CEP295: variants seen among roughly 807,000 people sequenced by gnomAD.
CEP295 encodes the protein centrosomal protein 295.
In CEP295, 190 loss-of-function variants were observed where a neutral mutation model predicts 291.6. That is an observed-to-expected ratio of 0.65 (90% confidence interval 0.58 to 0.73). The LOEUF (loss-of-function observed/expected upper bound fraction) is 0.73, where lower values mean the gene tolerates loss of function less well. Among genes scored for constraint, CEP295 ranks in the 30% least tolerant of loss-of-function variants. The probability of loss-of-function intolerance (pLI) is 0.00; values close to 1 mark genes in which losing one functional copy is unlikely to be tolerated. For synonymous variants in CEP295, 993 were observed against 1,038.8 expected, an observed-to-expected ratio of 0.96 and a Z score of 0.85; for missense variants, 2,863 against 2,949.4, an observed-to-expected ratio of 0.97 and a Z score of 0.68.
chr11:93,720,245 G>A (rs1016926718), intron 18 of CEP295, among the ~76,000 whole-genome samples: 1 of 151,822 alleles, frequency 6.6e-6, no homozygotes, highest in African/African-American at 2.4e-5. Context: ...GGCCGAGGTG[G>A]GCGGATCACC....
At position 93,725,762 on chromosome 11, in the gene CEP295, A is replaced by G. The variant is rs1425813654; in HGVS notation, c.6430A>G (p.Asn2144Asp). Residue 2144 changes from asparagine (N) to aspartate (D), a missense_variant, in exon 23 of 30, where the codon AAT becomes GAT. By Grantham distance (23) the Asn-to-Asp change is conservative. Coordinates refer to ENST00000325212, the MANE Select transcript of CEP295 (RefSeq NM_033395.2). ...GCATTCTTCTCTTAACACAAGTCCG[A>G]ATCAACAACCTGACACTAACTTGGC... ...SMHSSLNTSPNQQPDTNLAHV... is the reference protein window; with the variant it reads ...SMHSSLNTSPDQQPDTNLAHV... The G allele has an allele frequency of 6.4e-7, 1 of 1,551,762 alleles. No individual in the cohort carries two copies. The highest frequency in any genetic ancestry group is 2.0e-5 in the Admixed American group (1 of 50,988).
Position 93,729,789 on chromosome 11 carries a change from G to C in CEP295, c.7567+8G>C. ...AAGAGAAACCATCTATAAGTATGTT[G>C]AATTTTTAAAATCTTCAACCAACTC... On this transcript the variant is annotated splice_region_variant and intron_variant, in intron 27 of 29. Coordinates refer to ENST00000325212, the MANE Select transcript of CEP295 (RefSeq NM_033395.2). 1 of 1,537,206 alleles carries C rather than the reference G, an allele frequency of 6.5e-7. No homozygotes were observed. Among genetic ancestry groups the C allele is most frequent in the Non-Finnish European group, 8.8e-7 (1 of 1,141,194 alleles).
At chr11:93,728,890 A>G in intron 25 of CEP295, 69 bp downstream of exon 25, 1 of 1,356,556 alleles carries the variant, frequency 7.4e-7, no homozygotes, top group Non-Finnish European at 9.9e-7. Context: ...CTTACAACTT[A>G]TCAGAAGGTA....
chr11:93,692,621 C>T (rs1190766891), intron 12 of CEP295, among the ~76,000 whole-genome samples: 1 of 152,016 alleles, frequency 6.6e-6, no homozygotes, highest in Admixed American at 6.6e-5. Context: ...CCATGCCCAG[C>T]TAATTTTTTT....
chr11:93,681,824 G>C (rs1220487580), intron 7 of CEP295, among the ~76,000 whole-genome samples: 1 of 150,838 alleles, frequency 6.6e-6, no homozygotes, highest in Non-Finnish European at 1.5e-5. Context: ...TGGGATTACA[G>C]GTGTGGGCCA....
rs1954253078 is a variant in CEP295, at chr11:93,727,631, A to G, written c.7155A>G (p.Pro2385=). 1.3e-6 allele frequency: 2 copies of G among 1,526,030 alleles called. No individual in the cohort carries two copies. Among genetic ancestry groups the G allele is most frequent in the African/African-American group, 2.8e-5 (2 of 71,328 alleles). 94.5% of individuals were successfully genotyped at this position (1,526,030 alleles called of 1,614,324 possible). A position where few individuals can be genotyped will look rare whatever the true frequency, so the allele number is the denominator to read the frequency against. The part of the protein sequence containing the change: ...SGSFSLQSSI[P]VWETETGHGI... Reference sequence around the variant, plus strand: ...CATTTTCATTACAGAGCTCTATACCAGTCTGGGTAAGTGAAATCAGTGTTG... The same window carrying G: ...CATTTTCATTACAGAGCTCTATACCGGTCTGGGTAAGTGAAATCAGTGTTG... Residue 2385 remains proline, a synonymous_variant, in exon 24 of 30, where the codon CCA becomes CCG. Coordinates refer to ENST00000325212, the MANE Select transcript of CEP295 (RefSeq NM_033395.2).
rs1439035691 is a variant in CEP295 at position 93,728,804 on chromosome 11, G to A, written c.7285G>A (p.Ala2429Thr). ...LTLEEKSENE[A>T]KCFFQVSEFL... The stretch of plus-strand genomic sequence containing the variant: ...CCTAGAAGAGAAGAGCGAGAATGAA[G>A]CAAAATGCTTCTTTCAGGTAAATTT... The change falls in exon 25 of 30, where the codon GCA becomes ACA. Residue 2429 changes from alanine (A) to threonine (T), a missense_variant. Physicochemically the swap from Ala to Thr is moderately conservative, Grantham distance 58. This residue lies in a region of CEP295 where 2,295 missense variants were observed against 2,335.7 expected (regional missense o/e 0.98). Transcript: ENST00000325212. 1 of 1,537,408 alleles carries A rather than the reference G, an allele frequency of 6.5e-7. No individual in the cohort carries two copies. Among genetic ancestry groups the A allele is most frequent in the Non-Finnish European group, 8.7e-7 (1 of 1,142,866 alleles).
rs919428148 is a variant in CEP295 at position 93,701,707 on chromosome 11, G to A, written c.5275-753G>A. Among the ~76,000 whole-genome samples the A allele has an allele frequency of 3.9e-5, 6 of 152,142 alleles. No individual in the cohort carries two copies. In the South Asian group the frequency reaches 8.3e-4, roughly 21 times the overall value. On this transcript the variant is annotated intron_variant, in intron 15 of 29. Coordinates refer to ENST00000325212, the MANE Select transcript of CEP295 (RefSeq NM_033395.2). Reference sequence around the variant, plus strand: ...CAACCTCTGATTCCCTGGTTCAAGCGATTCTCCTGCCTCAGCCTCCCGGGT... The same window carrying A: ...CAACCTCTGATTCCCTGGTTCAAGCAATTCTCCTGCCTCAGCCTCCCGGGT...
intron 18 of CEP295, among the ~76,000 whole-genome samples, chr11:93,710,597 G>T (rs1952829030): frequency 6.6e-6 from 1 of 152,142 alleles, no homozygotes; most frequent in Admixed American, 6.5e-5. Flanking sequence ...TCTTTGTCAG[G>T]TTTTGGGATT....
rs1025872449 is a variant in CEP295 at position 93,697,718 on chromosome 11, C to T, written c.2806C>T (p.Arg936Cys). Residue 936 changes from arginine (R) to cysteine (C), a missense_variant, in exon 15 of 30, where the codon CGT (arginine) becomes TGT (cysteine). Around this residue, in one of 3 missense-constraint regions of CEP295, gnomAD observed 2,295 missense variants for 2,335.7 expected, o/e 0.98. Transcript: ENST00000325212. ...HHVISQLQDKRLSLSQPILSQ... is the reference protein window; with the variant it reads ...HHVISQLQDKCLSLSQPILSQ... ...TGTGATCTCACAACTTCAGGATAAG[C>T]GTTTGAGTCTTTCACAGCCTATCCT... 17 of 1,551,476 alleles carry T rather than the reference C, an allele frequency of 1.1e-5. No homozygotes were observed. In the Admixed American group the frequency reaches 1.4e-4, roughly 13 times the overall value.
chr11:93,700,426 C>CTTTT (rs11410177), intron 15 of CEP295, among the ~76,000 whole-genome samples: 1 of 129,372 alleles, frequency 7.7e-6, no homozygotes, highest in Non-Finnish European at 1.7e-5. Flanking sequence ...TTTGTTTTTG[C>CTTTT]TTTTTTTTTT....
chr11:93,687,042 T>C lies in CEP295; in HGVS notation c.1115-602T>C, dbSNP rs1357130032. Among the ~76,000 whole-genome samples, 3 of 152,234 alleles carry C rather than the reference T, an allele frequency of 2.0e-5. No individual in the cohort carries two copies. The East Asian group carries it at 5.8e-4, about 29-fold the overall frequency. On this transcript the variant is annotated intron_variant, in intron 9 of 29. Transcript: ENST00000325212. ...TATACTGAGTTTTGGCATTAAACTA[T>C]CAGCCCACATGGGAAAATGTTTGAA...
intron 5 of CEP295, among the ~76,000 whole-genome samples, chr11:93,674,373 C>T (rs1590980334): frequency 1.3e-5 from 2 of 152,232 alleles, no homozygotes; most frequent in African/African-American, 4.8e-5. Flanking sequence ...CTTATTTAAA[C>T]TTTTCTCCCT....
chr11:93,728,673 G>T lies in CEP295; in HGVS notation c.7162-8G>T. ...TGACATGGTTTTCCTTTTAATTGTG[G>T]TTCACAGGAAACAGAAACTGGCCAT... On this transcript the variant is annotated splice_polypyrimidine_tract_variant and splice_region_variant and intron_variant, in intron 24 of 29. Coordinates refer to ENST00000325212, the MANE Select transcript of CEP295 (RefSeq NM_033395.2). 2 of 1,524,674 alleles carry T rather than the reference G, an allele frequency of 1.3e-6. No homozygotes were observed. Among genetic ancestry groups the T allele is most frequent in the Non-Finnish European group, 1.8e-6 (2 of 1,138,580 alleles). The allele number at this position is 1,524,674 out of a possible 1,614,324, so 94.4% of individuals were successfully genotyped here. A position where few individuals can be genotyped will look rare whatever the true frequency, so the allele number is the denominator to read the frequency against.
Position 93,687,782 on chromosome 11 carries a change from G to C in CEP295, c.1253G>C (p.Ser418Thr). The C allele has an allele frequency of 6.4e-7, 1 of 1,551,330 alleles. No individual in the cohort carries two copies. The highest frequency in any genetic ancestry group is 8.7e-7 in the Non-Finnish European group (1 of 1,146,760). The change falls in exon 10 of 30, where the codon AGT (serine) becomes ACT (threonine). Residue 418 changes from serine (S) to threonine (T), a missense_variant. Transcript: ENST00000325212. ...EDESEMITTVSEIESKAPTVE... is the reference protein window; with the variant it reads ...EDESEMITTVTEIESKAPTVE... ...GAAAGTGAAATGATTACGACTGTTA[G>C]TGAAATTGAGAGTAAAGCACCAACG...
chr11:93,697,095 A>C lies in CEP295; in HGVS notation c.2183A>C (p.Lys728Thr). ...TQQRDYKLVPKDSETLSRALS... is the reference protein window; with the variant it reads ...TQQRDYKLVPTDSETLSRALS... ...CAGAGAGACTATAAATTGGTCCCCA[A>C]AGATTCTGAGACACTTTCAAGGGCT... The change falls in exon 15 of 30, where the codon AAA becomes ACA. Residue 728 changes from lysine to threonine, a missense_variant. Lys to Thr is a moderately conservative substitution (Grantham distance 78). Coordinates refer to ENST00000325212, the MANE Select transcript of CEP295 (RefSeq NM_033395.2). 1.9e-6 allele frequency: 3 copies of C among 1,551,684 alleles called. No individual in the cohort carries two copies. The highest frequency in any genetic ancestry group is 2.0e-5 in the Admixed American group (1 of 51,002).
rs79018030 is a variant in CEP295, at chr11:93,712,832, T to C, written c.5749+5935T>C. On this transcript the variant is annotated intron_variant, in intron 18 of 29. Coordinates refer to ENST00000325212, the MANE Select transcript of CEP295 (RefSeq NM_033395.2). ...GTTTTCTGGTTATTTTTTGGTCTTC[T>C]CTTCCTACTTTTCTTTCTTCTGTTT... 3.3e-3 allele frequency among the ~76,000 whole-genome samples: 485 copies of C among 146,464 alleles called. 11 individuals carry two copies. In the East Asian group the frequency reaches 0.056, roughly 17 times the overall value.
chr11:93,715,874 CTT>C (rs769379540), intron 18 of CEP295, among the ~76,000 whole-genome samples: 8 of 151,998 alleles, frequency 5.3e-5, no homozygotes, highest in Non-Finnish European at 1.0e-4. Context: ...ACAAAGTCCT[CTT>C]TATTCTTCCC....
At chr11:93,702,115 C>A (rs1432876221) in intron 15 of CEP295, among the ~76,000 whole-genome samples, 1 of 152,074 alleles carries the variant, frequency 6.6e-6, no homozygotes, top group East Asian at 1.9e-4. Flanking sequence ...TGCACAATCA[C>A]GCCCAGCCAA....
Sources: gnomAD v4.1 joint callset for allele counts (sites outside exome capture counted in the v4.1 genomes callset) on GRCh38, gnomAD v4.1.1 for gene constraint, gnomAD v4.1.1 regional missense constraint, MANE v1.5 for transcripts, NCBI Gene and HGNC (gene_info 2026-07-23, HGNC 2026-07-21) for gene names.